RAPH1: variants seen among roughly 807,000 people sequenced by gnomAD.
The protein encoded by RAPH1 is Ras association (RalGDS/AF-6) and pleckstrin homology domains 1.
RAPH1 carries 18 observed loss-of-function variants against 88.1 expected under a neutral mutation model. The ratio of observed to expected loss-of-function variants is 0.20; its 90% CI spans 0.14 to 0.30. The LOEUF (loss-of-function observed/expected upper bound fraction) is 0.30. Ranked by LOEUF, RAPH1 falls within the 10% of genes least tolerant of loss-of-function variation. The pLI is 1.00. For synonymous variants in RAPH1, 587 were observed against 559.0 expected, an observed-to-expected ratio of 1.05 and a Z score of -0.71; for missense variants, 1,448 against 1,543.2, an observed-to-expected ratio of 0.94 and a Z score of 1.03.
intron 8 of RAPH1, among the ~76,000 whole-genome samples, chr2:203,457,254 C>T (rs962878676): frequency 6.6e-6 from 1 of 152,028 alleles, no homozygotes; most frequent in Non-Finnish European, 1.5e-5. Context: ...GTGGTGCAAT[C>T]TCGGCTCGCT....
At position 203,448,749 on chromosome 2, in the gene RAPH1, G is replaced by A; in HGVS notation, c.1501C>T (p.Arg501Cys). The A allele has an allele frequency of 1.3e-6, 2 of 1,598,188 alleles. No individual in the cohort carries two copies. The highest frequency in any genetic ancestry group is 1.7e-6 in the Non-Finnish European group (2 of 1,170,728). Reference protein sequence around the residue: ...RTLHQWVNGIRIAKYGKQLYM... With the variant: ...RTLHQWVNGICIAKYGKQLYM... ...AAAAGGAGACATGCCTTTGCAATGC[G>A]GATCCCATTGACCCACTGATGCAGT... Residue 501 changes from arginine to cysteine, a missense_variant, in exon 11 of 14, where the codon CGC becomes TGC. Coordinates refer to ENST00000319170, the MANE Select transcript of RAPH1 (RefSeq NM_213589.3). This position sits in a 1 kb window ranked among gnomAD's most constrained non-coding sequence, Gnocchi z 4.1.
At chr2:203,476,408 T>A (rs1687454227) in intron 4 of RAPH1, among the ~76,000 whole-genome samples, 1 of 152,130 alleles carries the variant, frequency 6.6e-6, no homozygotes, top group African/African-American at 2.4e-5. Context: ...TGGCCTCAAG[T>A]AATCTGCCCA....
intron 4 of RAPH1, among the ~76,000 whole-genome samples, chr2:203,485,103 T>C (rs1257330782): frequency 6.6e-6 from 1 of 152,086 alleles, no homozygotes. Context: ...CATGCTCATT[T>C]ATAAGAGTTA....
chr2:203,439,102 A>C lies in RAPH1; in HGVS notation c.*335T>G, dbSNP rs1178870238. On this transcript the variant is annotated 3_prime_UTR_variant, in exon 14 of 14. Transcript: ENST00000319170. ...AGAAGTTTTTGGTCCAATCCACATG[A>C]TATAGAAATCTTAAGAGACAACACA... is the stretch of plus-strand genomic sequence containing the variant. 3 of 228,808 alleles carry C rather than the reference A, an allele frequency of 1.3e-5. No individual in the cohort carries two copies. The East Asian group carries it at 2.6e-4, about 20-fold the overall frequency. The allele number at this position is 228,808 out of a possible 1,614,324, so 14.2% of individuals were successfully genotyped here.
intron 5 of RAPH1, 136 bp from the exon 6 acceptor site, chr2:203,461,544 A>G (rs2098524238): frequency 2.6e-5 from 16 of 607,336 alleles, no homozygotes; most frequent in Middle Eastern, 8.9e-4. Context: ...TTCATTATGC[A>G]AAAATATAGG....
intron 4 of RAPH1, among the ~76,000 whole-genome samples, chr2:203,482,019 C>A (rs2600718): frequency 0.12 from 15,645 of 131,714 alleles, 1,649 homozygotes; most frequent in African/African-American, 0.28. Flanking sequence ...AAAAAAAAAA[C>A]ACACACACAC....
At chr2:203,457,711 T>G in intron 7 of RAPH1, 116 bp from the exon 8 acceptor site, 2 of 795,496 alleles carry the variant, frequency 2.5e-6, no homozygotes, top group East Asian at 2.4e-5. Context: ...TCTAGAGAAA[T>G]AGCAACTCTG....
chr2:203,493,208 G>A (rs899259962), intron 2 of RAPH1, among the ~76,000 whole-genome samples: 2 of 152,154 alleles, frequency 1.3e-5, no homozygotes, highest in East Asian at 1.9e-4. Context: ...GAACAGTCAC[G>A]TCATTAGTGG....
intron 1 of RAPH1, among the ~76,000 whole-genome samples, chr2:203,531,327 C>G (rs1690379838): frequency 6.6e-6 from 1 of 151,962 alleles, no homozygotes; most frequent in East Asian, 1.9e-4. Flanking sequence ...ATGGGGGCAG[C>G]AAACAAACAT....
chr2:203,533,964 A>G (rs1350883003), intron 1 of RAPH1, among the ~76,000 whole-genome samples: 1 of 152,180 alleles, frequency 6.6e-6, no homozygotes, highest in Non-Finnish European at 1.5e-5. Context: ...TCCAGGGCGT[A>G]CGGTTTCCCC....
rs2098523605 is a variant in RAPH1, at chr2:203,460,788, A to G, written c.970+461T>C. 2.0e-5 allele frequency among the ~76,000 whole-genome samples: 3 copies of G among 152,332 alleles called. No homozygotes were observed. The South Asian group carries it at 6.2e-4, about 32-fold the overall frequency. On this transcript the variant is annotated intron_variant, in intron 6 of 13. Coordinates refer to ENST00000319170, the MANE Select transcript of RAPH1 (RefSeq NM_213589.3). ...ACTTCAGAAAAAAATAATGTAAAGA[A>G]GCCAAATTATGAAAGGTAATTTTAT...
intron 8 of RAPH1, among the ~76,000 whole-genome samples, chr2:203,456,384 ATTAAACT>A (rs2098519615): frequency 1.3e-5 from 2 of 152,268 alleles, no homozygotes; most frequent in African/African-American, 4.8e-5. Context: ...TAAGTGTATG[ATTAAACT>A]TTAAGAATTT....
chr2:203,461,502 A>G, intron 5 of RAPH1, 94 bp from the exon 6 acceptor site: 1 of 932,784 alleles, frequency 1.1e-6, no homozygotes, highest in South Asian at 2.5e-5. Context: ...GGATTAATGT[A>G]TTTGTATATA....
At chr2:203,488,421 T>TCACCATG (rs1688072816) in intron 4 of RAPH1, among the ~76,000 whole-genome samples, 1 of 151,258 alleles carries the variant, frequency 6.6e-6, no homozygotes, top group East Asian at 2.0e-4. Flanking sequence ...AAACCCCGTC[T>TCACCATG]CTACCAAAAA....
In RAPH1 at chr2:203,522,364, T is replaced by C. The variant is rs147078682; in HGVS notation, c.-1+12747A>G. Among the ~76,000 whole-genome samples the C allele has an allele frequency of 2.2e-3, 329 of 152,330 alleles. 3 individuals carry two copies. Among genetic ancestry groups the C allele is most frequent in the Admixed American group, 0.014 (212 of 15,294 alleles). Reference sequence around the variant, plus strand: ...ATGAAATAGGACAGCATGCAGTGTTTATGTAATACATTGTAAGGCAACTGA... The same window carrying C: ...ATGAAATAGGACAGCATGCAGTGTTCATGTAATACATTGTAAGGCAACTGA... On this transcript the variant is annotated intron_variant, in intron 1 of 13. Coordinates refer to ENST00000319170, the MANE Select transcript of RAPH1 (RefSeq NM_213589.3).
At chr2:203,515,252 TTAAC>T (rs1689545706) in intron 1 of RAPH1, among the ~76,000 whole-genome samples, 1 of 152,206 alleles carries the variant, frequency 6.6e-6, no homozygotes, top group Admixed American at 6.5e-5. Flanking sequence ...AATCTGTAAT[TTAAC>T]TAATGTACAA....
intron 1 of RAPH1, among the ~76,000 whole-genome samples, chr2:203,508,483 A>G (rs1348442020): frequency 6.6e-6 from 1 of 152,108 alleles, no homozygotes; most frequent in Admixed American, 6.6e-5. Flanking sequence ...TTGAAATTAC[A>G]GTTTTCCCTT....
At chr2:203,485,466 T>A (rs1450576827) in intron 4 of RAPH1, among the ~76,000 whole-genome samples, 1 of 151,496 alleles carries the variant, frequency 6.6e-6, no homozygotes, top group Admixed American at 6.6e-5. Context: ...AAGGTCTATG[T>A]CTTTTCATAG....
At chr2:203,483,464 G>C (rs1687819319) in intron 4 of RAPH1, among the ~76,000 whole-genome samples, 1 of 152,182 alleles carries the variant, frequency 6.6e-6, no homozygotes, top group South Asian at 2.1e-4. Flanking sequence ...TAGACGGATG[G>C]AATATCCATT....
Sources: allele counts gnomAD v4.1 joint callset (sites outside exome capture counted in the v4.1 genomes callset), GRCh38; gene constraint gnomAD v4.1.1; non-coding constraint Gnocchi (gnomAD v3.1); transcripts MANE v1.5; gene names NCBI Gene and HGNC (gene_info 2026-07-23, HGNC 2026-07-21).